Variants in GRID2 observed in about 807,000 individuals in gnomAD.
GRID2 encodes the protein glutamate receptor ionotropic, delta-2.
Under a neutral mutation model 114.8 loss-of-function variants are expected in GRID2, and 33 were observed. The ratio of observed to expected loss-of-function variants is 0.29; its 90% CI spans 0.22 to 0.38. The LOEUF (loss-of-function observed/expected upper bound fraction) is 0.38, where lower values mean the gene tolerates loss of function less well. Ranked by LOEUF, GRID2 falls within the 10% of genes least tolerant of loss-of-function variation. The pLI, the probability that GRID2 is intolerant of heterozygous loss-of-function variation, is 1.00. For synonymous variants in GRID2, 505 were observed against 449.9 expected (o/e 1.12, Z -1.55); for missense variants, 1,184 against 1,257.7 (o/e 0.94, Z 0.89).
intron 4 of GRID2, among the ~76,000 whole-genome samples, chr4:93,178,511 T>C (rs1415497177): frequency 7.0e-6 from 1 of 142,666 alleles, no homozygotes; most frequent in Non-Finnish European, 1.5e-5. Flanking sequence ...TCCTCCTACC[T>C]CAGCCTCCTG....
intron 2 of GRID2, among the ~76,000 whole-genome samples, chr4:92,661,328 C>G (rs1242288215): frequency 6.6e-6 from 1 of 150,838 alleles, no homozygotes; most frequent in Non-Finnish European, 1.5e-5. Context: ...AATCTAACAT[C>G]TAATGTAAGA....
At chr4:93,662,098 A>T (rs186078428) in intron 14 of GRID2, among the ~76,000 whole-genome samples, 1 of 151,308 alleles carries the variant, frequency 6.6e-6, no homozygotes, top group Admixed American at 6.6e-5. Flanking sequence ...CTGCCTCAAG[A>T]CCGCCTTACT....
intron 1 of GRID2, among the ~76,000 whole-genome samples, chr4:92,439,456 G>A (rs1732908603): frequency 6.6e-6 from 1 of 152,064 alleles, no homozygotes; most frequent in East Asian, 1.9e-4. Context: ...ATGTTAAAGT[G>A]TTGGGGTGGT....
intron 4 of GRID2, among the ~76,000 whole-genome samples, chr4:93,206,357 A>G (rs1426901466): frequency 6.6e-6 from 1 of 152,050 alleles, no homozygotes; most frequent in Non-Finnish European, 1.5e-5. Context: ...AGAACAAAGA[A>G]TAGCCAACAA....
intron 3 of GRID2, among the ~76,000 whole-genome samples, chr4:93,106,833 T>C (rs1732283839): frequency 6.6e-6 from 1 of 152,158 alleles, no homozygotes; most frequent in Non-Finnish European, 1.5e-5. Flanking sequence ...ATCAGTAAAA[T>C]TTAGGCAATC....
intron 13 of GRID2, among the ~76,000 whole-genome samples, chr4:93,573,119 A>G (rs1156634655): frequency 1.3e-5 from 2 of 152,146 alleles, no homozygotes; most frequent in African/African-American, 4.8e-5. Flanking sequence ...TAAATTACAT[A>G]TCAGGCTGAC....
At chr4:92,930,209 T>C (rs1431463244) in intron 2 of GRID2, among the ~76,000 whole-genome samples, 2 of 151,304 alleles carry the variant, frequency 1.3e-5, no homozygotes, top group Non-Finnish European at 3.0e-5. Flanking sequence ...AATCCAAAGG[T>C]GAATTATGTT....
intron 1 of GRID2, among the ~76,000 whole-genome samples, chr4:92,488,768 C>T (rs1024353630): frequency 3.3e-5 from 5 of 152,096 alleles, no homozygotes; most frequent in Non-Finnish European, 7.4e-5. Context: ...ATTCTGCAAG[C>T]ACAGGTCTGA....
chr4:93,018,497 G>T (rs983502245), intron 2 of GRID2, among the ~76,000 whole-genome samples: 1 of 152,012 alleles, frequency 6.6e-6, no homozygotes, highest in Admixed American at 6.6e-5. Flanking sequence ...TCCATCACTG[G>T]TTTTCACTAA....
intron 2 of GRID2, among the ~76,000 whole-genome samples, chr4:92,599,818 A>T (rs1269606429): frequency 6.6e-6 from 1 of 151,804 alleles, no homozygotes; most frequent in African/African-American, 2.4e-5. Context: ...CGAGGTCAAG[A>T]TATCGAGACC....
At chr4:93,226,320 T>G (rs547065571) in intron 7 of GRID2, among the ~76,000 whole-genome samples, 1 of 152,274 alleles carries the variant, frequency 6.6e-6, no homozygotes, top group Admixed American at 6.5e-5. Context: ...AAACTATGAA[T>G]TCAAAACTGA....
chr4:93,599,165 C>G (rs1283420994), intron 13 of GRID2, among the ~76,000 whole-genome samples: 1 of 152,168 alleles, frequency 6.6e-6, no homozygotes, highest in Non-Finnish European at 1.5e-5. Context: ...ACAGTCCATA[C>G]CCAACAAATG....
intron 2 of GRID2, among the ~76,000 whole-genome samples, chr4:92,753,965 T>C (rs1004425718): frequency 1.3e-5 from 2 of 152,206 alleles, no homozygotes; most frequent in Non-Finnish European, 2.9e-5. Context: ...GTAATAGCTA[T>C]ATATGACAAT....
intron 7 of GRID2, among the ~76,000 whole-genome samples, chr4:93,227,381 C>T (rs1745611014): frequency 6.6e-6 from 1 of 152,036 alleles, no homozygotes; most frequent in African/African-American, 2.4e-5. Context: ...CCACATGCCA[C>T]CACACCTGGC....
chr4:92,667,711 A>T (rs972317044), intron 2 of GRID2, among the ~76,000 whole-genome samples: 5 of 151,664 alleles, frequency 3.3e-5, no homozygotes, highest in Admixed American at 6.6e-5. Context: ...ATTAAAAAAA[A>T]TACCCCCTAG....
chr4:92,844,152 G>A (rs936359185), intron 2 of GRID2, among the ~76,000 whole-genome samples: 11 of 152,050 alleles, frequency 7.2e-5, no homozygotes, highest in Admixed American at 2.6e-4. Context: ...GTATAATTCC[G>A]TTTTCCTTGA....
At chr4:92,710,785 C>A (rs1053085873) in intron 2 of GRID2, among the ~76,000 whole-genome samples, 2 of 152,054 alleles carry the variant, frequency 1.3e-5, no homozygotes, top group African/African-American at 4.8e-5. Flanking sequence ...ATAAGAGTAA[C>A]CTTATTATGG....
intron 2 of GRID2, among the ~76,000 whole-genome samples, chr4:92,946,497 C>A (rs550868854): frequency 6.8e-4 from 103 of 152,132 alleles, no homozygotes; most frequent in Non-Finnish European, 1.3e-3. Context: ...TTCTTCCCCC[C>A]CAAAATTATA....
chr4:93,217,015 T>C, intron 6 of GRID2, 104 bp downstream of exon 6: 1 of 714,764 alleles, frequency 1.4e-6, no homozygotes, highest in Non-Finnish European at 2.4e-6. Context: ...GTGTTATTTC[T>C]GAACAATTCT....
Sources: gnomAD v4.1 joint callset for allele counts (sites outside exome capture counted in the v4.1 genomes callset) on GRCh38, gnomAD v4.1.1 for gene constraint, MANE v1.5 for transcripts, NCBI Gene and HGNC (gene_info 2026-07-23, HGNC 2026-07-21) for gene names.